The following CCDC192 variants were observed in gnomAD, a reference collection of about 807,000 sequenced individuals.
CCDC192 encodes the protein coiled-coil domain containing 192, also known as coiled-coil domain-containing protein 192.
At chr5:127,840,364 G>A (rs1428386008) in intron 5 of CCDC192, among the ~76,000 whole-genome samples, 1 of 152,150 alleles carries the variant, frequency 6.6e-6, no homozygotes, top group Non-Finnish European at 1.5e-5. Context: ...TATTTATTGA[G>A]TAACCACAGG....
intron 5 of CCDC192, among the ~76,000 whole-genome samples, chr5:127,821,068 A>C (rs698171): frequency 0.35 from 53,146 of 152,000 alleles, 10,061 homozygotes; most frequent in East Asian, 0.75. Context: ...AAGCTCAGGC[A>C]GGCAGAATTC....
chr5:127,787,087 A>G (rs1756582964), intron 3 of CCDC192: 1 of 247,974 alleles, frequency 4.0e-6, no homozygotes, highest in Non-Finnish European at 8.3e-6. Flanking sequence ...TCCTTATTCA[A>G]AGTTCAGCTA....
At chr5:127,786,085 A>G in intron 3 of CCDC192, 1 of 779,546 alleles carries the variant, frequency 1.3e-6, no homozygotes, top group Non-Finnish European at 2.2e-6. Context: ...AAGATTATAC[A>G]TGTGTCCCAA....
chr5:127,804,546 G>C (rs1219461652), intron 5 of CCDC192, among the ~76,000 whole-genome samples: 2 of 152,152 alleles, frequency 1.3e-5, no homozygotes, highest in Non-Finnish European at 2.9e-5. Context: ...TTCTGAGTGT[G>C]TTTCCTACTG....
chr5:127,735,651 G>GT (rs1236659153), intron 2 of CCDC192, among the ~76,000 whole-genome samples: 1 of 128,420 alleles, frequency 7.8e-6, no homozygotes, highest in Admixed American at 8.2e-5. Flanking sequence ...CACATCCCTT[G>GT]TAAGTTGGAT....
intron 6 of CCDC192, among the ~76,000 whole-genome samples, chr5:127,918,642 G>A (rs935396291): frequency 6.6e-6 from 1 of 152,144 alleles, no homozygotes; most frequent in Non-Finnish European, 1.5e-5. Context: ...AATCCATTAG[G>A]TTTTAGTAAA....
rs1421620316 is a variant in CCDC192, at chr5:127,849,194, T to C, written c.412-26344T>C. Among the ~76,000 whole-genome samples the C allele has an allele frequency of 2.0e-5, 3 of 152,284 alleles. No homozygotes were observed. The East Asian group carries it at 5.8e-4, about 29-fold the overall frequency. On this transcript the variant is annotated intron_variant, in intron 5 of 6. Coordinates refer to ENST00000514853, the MANE Select transcript of CCDC192 (RefSeq NM_001317938.2). ...GCAGTGAGCTGAGGTCGCATGCCAC[T>C]GCACTCCAGCCTAGGCGAAAGAGTG...
At chr5:127,930,252 C>A (rs796374426) in intron 6 of CCDC192, among the ~76,000 whole-genome samples, 5 of 136,986 alleles carry the variant, frequency 3.7e-5, no homozygotes, top group Admixed American at 1.5e-4. Context: ...CTAAACTAAA[C>A]TAAAATAAAA....
At chr5:127,814,969 A>G (rs1748929981) in intron 5 of CCDC192, among the ~76,000 whole-genome samples, 1 of 152,074 alleles carries the variant, frequency 6.6e-6, no homozygotes, top group Non-Finnish European at 1.5e-5. Context: ...TTTTATTTTC[A>G]AGACAGTATG....
intron 3 of CCDC192, among the ~76,000 whole-genome samples, chr5:127,776,775 T>C (rs1748692977): frequency 1.3e-5 from 2 of 152,180 alleles, no homozygotes; most frequent in South Asian, 4.1e-4. Flanking sequence ...GGGGCCAAGG[T>C]ACAGTTCAGG....
In CCDC192 at chr5:127,733,007, A is replaced by G. The variant is rs1752730853; in HGVS notation, c.115-21261A>G. ...CATGTACCCTGGAACTTAAAATAAA[A>G]TAATACAATTTTTAAAAAAGAAGGT... is the stretch of plus-strand genomic sequence containing the variant. On this transcript the variant is annotated intron_variant, in intron 2 of 6. Coordinates refer to ENST00000514853, the MANE Select transcript of CCDC192 (RefSeq NM_001317938.2). Among the ~76,000 whole-genome samples the G allele has an allele frequency of 2.0e-5, 3 of 152,208 alleles. No homozygotes were observed. The South Asian group carries it at 6.2e-4, about 31-fold the overall frequency.
chr5:127,724,324 C>A (rs1177705727), intron 2 of CCDC192, among the ~76,000 whole-genome samples: 1 of 152,170 alleles, frequency 6.6e-6, no homozygotes, highest in Non-Finnish European at 1.5e-5. Flanking sequence ...ATCTTCCTTA[C>A]AATAGAAACA....
At chr5:127,845,454 G>A (rs199926123) in intron 5 of CCDC192, among the ~76,000 whole-genome samples, 41 of 152,298 alleles carry the variant, frequency 2.7e-4, no homozygotes, top group East Asian at 2.3e-3. Context: ...GTAATAGGAC[G>A]AGGAAACCAC....
chr5:127,934,340 A>G (rs571557440), intron 6 of CCDC192, among the ~76,000 whole-genome samples: 3 of 152,356 alleles, frequency 2.0e-5, no homozygotes, highest in South Asian at 4.1e-4. Context: ...GATCTTCATT[A>G]TATTATCAAA....
At chr5:127,826,173 C>G (rs969696900) in intron 5 of CCDC192, among the ~76,000 whole-genome samples, 2 of 151,970 alleles carry the variant, frequency 1.3e-5, no homozygotes, top group Non-Finnish European at 2.9e-5. Context: ...TGGATTAGAA[C>G]CATAAAAAAT....
At chr5:127,865,746 C>G (rs74971595) in intron 5 of CCDC192, among the ~76,000 whole-genome samples, 2 of 151,502 alleles carry the variant, frequency 1.3e-5, no homozygotes, top group East Asian at 3.9e-4. Context: ...GTGAGACCCC[C>G]AAAGTGACCT....
In CCDC192 at chr5:127,923,246, AC is replaced by A. The variant is rs1753772885; in HGVS notation, c.536-17933del. 4.6e-5 allele frequency among the ~76,000 whole-genome samples: 7 copies of A among 152,264 alleles called. No homozygotes were observed. The South Asian group carries it at 1.5e-3, about 32-fold the overall frequency. On this transcript the variant is annotated intron_variant, in intron 6 of 6. Transcript: ENST00000514853. Reference sequence around the variant, plus strand: ...AGAAAAGTTTTGTTCATTGTGGCAGACCCTATTAGTCACCTACACAAAAGAT... The same window carrying A: ...AGAAAAGTTTTGTTCATTGTGGCAGACCTATTAGTCACCTACACAAAAGAT...
At chr5:127,914,753 A>G (rs1202735078) in intron 6 of CCDC192, among the ~76,000 whole-genome samples, 1 of 152,182 alleles carries the variant, frequency 6.6e-6, no homozygotes, top group Non-Finnish European at 1.5e-5. Flanking sequence ...CTATTCTAAG[A>G]GCTTAACATG....
intron 6 of CCDC192, among the ~76,000 whole-genome samples, chr5:127,932,643 A>G (rs987975680): frequency 6.6e-6 from 1 of 152,194 alleles, no homozygotes; most frequent in African/African-American, 2.4e-5. Context: ...TTCTTAGGTG[A>G]TTTGTGTTAT....
Sources: allele counts gnomAD v4.1 joint callset (sites outside exome capture counted in the v4.1 genomes callset), GRCh38; gene constraint gnomAD v4.1.1; transcripts MANE v1.5; gene names NCBI Gene and HGNC (gene_info 2026-07-23, HGNC 2026-07-21).